Variants in RBM14 observed in about 807,000 individuals in gnomAD.
RBM14 encodes the protein RNA-binding protein 14.
A neutral mutation model predicts 52.8 loss-of-function variants in RBM14; 5 were observed. That is an observed-to-expected ratio of 0.09 (90% CI 0.05 to 0.20). RBM14 has a LOEUF of 0.20. RBM14 is among the 10% of genes least tolerant of loss of function. The pLI is 1.00. For synonymous variants in RBM14, 411 were observed against 401.8 expected (o/e 1.02, Z -0.28); for missense variants, 780 against 926.6 (o/e 0.84, Z 2.05).
At chr11:66,620,931 A>G (rs1421588716) in intron 1 of RBM14, 3 of 151,772 alleles carry the variant, frequency 2.0e-5, no homozygotes, top group Non-Finnish European at 2.9e-5. Flanking sequence ...TCTGCTTGCC[A>G]TCTCCAGGTG....
chr11:66,624,111 G>A lies in RBM14; in HGVS notation c.338-103G>A, dbSNP rs1937677221. 2 of 1,540,052 alleles carry A rather than the reference G, an allele frequency of 1.3e-6. No homozygotes were observed. The highest frequency in any genetic ancestry group is 2.5e-5 in the South Asian group (2 of 79,204). Reference sequence around the variant, plus strand: ...AGAGGAGGGTTTGGAGGCCTTGGAGGTAGCTGGCAACAGCTGGGTGCTGTT... The same window carrying A: ...AGAGGAGGGTTTGGAGGCCTTGGAGATAGCTGGCAACAGCTGGGTGCTGTT... On this transcript the variant is annotated intron_variant, in intron 1 of 2. Transcript: ENST00000310137. The surrounding 1 kb of genome is among the most constrained non-coding windows in gnomAD (Gnocchi z 4.7).
chr11:66,618,592 A>G (rs1325920492), intron 1 of RBM14: 1 of 717,234 alleles, frequency 1.4e-6, no homozygotes, highest in Admixed American at 2.0e-5. Context: ...GTTTAGAGTA[A>G]AAGAGTGGTG....
chr11:66,624,408 A>G lies in RBM14; in HGVS notation c.532A>G (p.Thr178Ala). The change falls in exon 2 of 3, where the codon ACT (threonine) becomes GCT (alanine). Residue 178 changes from threonine (T) to alanine (A), a missense_variant. Transcript: ENST00000310137. The surrounding 1 kb of genome is among the most constrained non-coding windows in gnomAD (Gnocchi z 4.7). ...GGCTGGGGATACGGCCTTCCCTGGA[A>G]CTGGTGGCTTCTCTGCCACCTTCGA... The part of the protein sequence containing the change: ...PGAGDTAFPG[T>A]GGFSATFDYQ... 1 of 1,614,148 alleles carries G rather than the reference A, an allele frequency of 6.2e-7. No individual in the cohort carries two copies. Among genetic ancestry groups the G allele is most frequent in the Non-Finnish European group, 8.5e-7 (1 of 1,179,972 alleles).
At chr11:66,626,231 C>T (rs1329177225) in intron 2 of RBM14, among the ~76,000 whole-genome samples, 2 of 152,308 alleles carry the variant, frequency 1.3e-5, no homozygotes, top group Admixed American at 6.5e-5. Flanking sequence ...TCCACCTTGG[C>T]TAGTTCAGAG....
At chr11:66,620,993 T>C (rs1272363306) in intron 1 of RBM14, 17 of 152,040 alleles carry the variant, frequency 1.1e-4, no homozygotes, top group Non-Finnish European at 1.5e-5. Flanking sequence ...TTTTATTTTT[T>C]ATTTAAAGAT....
chr11:66,618,439 T>A (rs1388061182), intron 1 of RBM14: 1 of 716,044 alleles, frequency 1.4e-6, no homozygotes, highest in Admixed American at 2.0e-5. Flanking sequence ...TAGTGTCCAC[T>A]ACTAGGAACA....
rs1565074280 is a variant in RBM14 at position 66,628,284 on chromosome 11, CTT to C, written c.*1619_*1620del. Among the ~76,000 whole-genome samples, 1 of 152,098 alleles carries C rather than the reference CTT, an allele frequency of 6.6e-6. No homozygotes were observed. On this transcript the variant is annotated 3_prime_UTR_variant, in exon 3 of 3. Coordinates refer to ENST00000310137, the MANE Select transcript of RBM14 (RefSeq NM_006328.4). ...GATAATGGGAGAACTTACTGATGCT[CTT>C]TTGGGAAAAGGTGCTTTAAAGACTC...
chr11:66,623,918 A>G (rs1469861592), intron 1 of RBM14: 1 of 718,362 alleles, frequency 1.4e-6, no homozygotes, highest in South Asian at 1.5e-5. Flanking sequence ...GAAGATTTTT[A>G]TCCTGTGTTG....
chr11:66,618,656 C>CG (rs1445829724), intron 1 of RBM14: 2 of 671,524 alleles, frequency 3.0e-6, no homozygotes, highest in African/African-American at 3.6e-5. Flanking sequence ...GTATATGAGT[C>CG]TCATTTGTGA....
chr11:66,620,354 C>CTGGA (rs1859050752), intron 1 of RBM14, among the ~76,000 whole-genome samples: 1 of 152,008 alleles, frequency 6.6e-6, no homozygotes, highest in Non-Finnish European at 1.5e-5. Context: ...GTTGCCCAGG[C>CTGGA]TGGAGTGCAG....
rs549222433 is a variant in RBM14, at chr11:66,629,102, T to C, written c.*2434T>C. ...TTTAAAATCTCCCTCCCCTCTTTTA[T>C]TTTAATTATGCCACCTGTGTTAATC... is the stretch of plus-strand genomic sequence containing the variant. On this transcript the variant is annotated 3_prime_UTR_variant, in exon 3 of 3. Coordinates refer to ENST00000310137, the MANE Select transcript of RBM14 (RefSeq NM_006328.4). Among the ~76,000 whole-genome samples, 2 of 152,370 alleles carry C rather than the reference T, an allele frequency of 1.3e-5. No homozygotes were observed. Among genetic ancestry groups the C allele is most frequent in the Admixed American group, 1.3e-4 (2 of 15,308 alleles).
At chr11:66,622,637 TCTA>T (rs1458704419) in intron 1 of RBM14, among the ~76,000 whole-genome samples, 2 of 152,226 alleles carry the variant, frequency 1.3e-5, no homozygotes, top group Non-Finnish European at 2.9e-5. Context: ...ACTTCTGACT[TCTA>T]CTTATTGATT....
chr11:66,626,650 C>A lies in RBM14; in HGVS notation c.1992C>A (p.Gly664=). 1.2e-6 allele frequency: 2 copies of A among 1,609,030 alleles called. No individual in the cohort carries two copies. Residue 664 remains glycine (G), a synonymous_variant, in exon 3 of 3, where the codon GGC becomes GGA. Transcript: ENST00000310137. ...TGCGGGCGGCTCAGATGCACTCTGG[C>A]TACCAGCGCCGCATGTAGGGCCATC... ...DYLRAAQMHS[G]YQRRM is the part of the protein sequence containing the mutation.
In RBM14 at chr11:66,629,776, C is replaced by T. The variant is rs895920027; in HGVS notation, c.*3108C>T. Among the ~76,000 whole-genome samples, 30 of 152,104 alleles carry T rather than the reference C, an allele frequency of 2.0e-4. No homozygotes were observed. The highest frequency in any genetic ancestry group is 7.0e-4 in the African/African-American group (29 of 41,402). ...GTCTAGATTTAAATCATGTATCTGT[C>T]TGTAGTGCTTCAAATGTGGCCAGGT... is the stretch of plus-strand genomic sequence containing the variant. On this transcript the variant is annotated 3_prime_UTR_variant, in exon 3 of 3. Transcript: ENST00000310137.
At chr11:66,622,956 T>G (rs1859183068) in intron 1 of RBM14, among the ~76,000 whole-genome samples, 1 of 152,202 alleles carries the variant, frequency 6.6e-6, no homozygotes, top group South Asian at 2.1e-4. Context: ...TCCTTCAGAT[T>G]CTGCCTGTGC....
intron 1 of RBM14, 123 bp downstream of exon 1, chr11:66,617,180 G>A: frequency 6.9e-7 from 1 of 1,454,674 alleles, no homozygotes; most frequent in Middle Eastern, 2.5e-4. Flanking sequence ...GCGGGAGCAG[G>A]TCGGAGGTGT....
intron 1 of RBM14, 192 bp downstream of exon 1, chr11:66,617,249 G>C: frequency 7.1e-7 from 1 of 1,404,432 alleles, no homozygotes; most frequent in Non-Finnish European, 9.2e-7. Context: ...CGTCCACCAA[G>C]TAGGAGGAAG....
chr11:66,617,639 C>G lies in RBM14; in HGVS notation c.337+582C>G, dbSNP rs944990084. ...TCATGGGCACAGTTACACGTGGGTA[C>G]GAGAGGGGCCCCTTCCGAATCACTT... On this transcript the variant is annotated intron_variant, in intron 1 of 2. Coordinates refer to ENST00000310137, the MANE Select transcript of RBM14 (RefSeq NM_006328.4). 10 of 887,264 alleles carry G rather than the reference C, an allele frequency of 1.1e-5. No homozygotes were observed. The African/African-American group carries it at 1.8e-4, about 16-fold the overall frequency. 55.0% of individuals were successfully genotyped at this position (887,264 alleles called of 1,614,324 possible). A position where few individuals can be genotyped will look rare whatever the true frequency, so the allele number is the denominator to read the frequency against.
Position 66,626,503 on chromosome 11 carries a change from C to T in RBM14, c.1845C>T (p.Arg615=), listed in dbSNP as rs373085121. The stretch of plus-strand genomic sequence containing the variant: ...GTTTAGCCGAGCTCTCTGATTACCG[C>T]CGTTTATCAGAGTCGCAGCTTTCGT... ...DRRLAELSDY[R]RLSESQLSFR... is the part of the protein sequence containing the mutation. Residue 615 remains arginine, a synonymous_variant, in exon 3 of 3, where the codon CGC becomes CGT. Coordinates refer to ENST00000310137, the MANE Select transcript of RBM14 (RefSeq NM_006328.4). 132 of 1,613,802 alleles carry T rather than the reference C, an allele frequency of 8.2e-5. No homozygotes were observed. Among genetic ancestry groups the T allele is most frequent in the Non-Finnish European group, 1.0e-4 (118 of 1,180,028 alleles).
Sources: gnomAD v4.1 joint callset for allele counts (sites outside exome capture counted in the v4.1 genomes callset) on GRCh38, gnomAD v4.1.1 for gene constraint, Gnocchi (gnomAD v3.1) non-coding constraint, MANE v1.5 for transcripts, NCBI Gene and HGNC (gene_info 2026-07-23, HGNC 2026-07-21) for gene names.